RUSC1: variants seen among roughly 807,000 people sequenced by gnomAD.
RUSC1 encodes AP-4 complex accessory subunit RUSC1.
Under a neutral mutation model 72.1 loss-of-function variants are expected in RUSC1, and 40 were observed. The ratio of observed to expected loss-of-function variants is 0.55; its 90% CI spans 0.43 to 0.72. The LOEUF is 0.72. Among genes scored for constraint, RUSC1 ranks in the 30% least tolerant of loss-of-function variants. The probability of loss-of-function intolerance (pLI) is 0.00; values close to 1 mark genes in which losing one functional copy is unlikely to be tolerated. For synonymous variants in RUSC1, 512 were observed against 494.2 expected (o/e 1.04, Z -0.48); for missense variants, 1,092 against 1,172.3 (o/e 0.93, Z 1.00).
intron 1 of RUSC1, 75 bp from the exon 2 acceptor site, chr1:155,321,613 C>T: frequency 8.0e-7 from 1 of 1,242,800 alleles, no homozygotes; most frequent in Non-Finnish European, 1.1e-6. Context: ...CCTGCTGCTG[C>T]CGTCAAGTCA....
chr1:155,325,924 A>G lies in RUSC1; in HGVS notation c.1861+14A>G. 1 of 1,613,692 alleles carries G rather than the reference A, an allele frequency of 6.2e-7. No homozygotes were observed. The highest frequency in any genetic ancestry group is 8.5e-7 in the Non-Finnish European group (1 of 1,179,634). ...AGGAAGATGCAGGTCAGAGGTTCAG[A>G]TGGTAGAGGATGGGGCTGATGGGCT... On this transcript the variant is annotated intron_variant, in intron 7 of 9. Transcript: ENST00000368352. The surrounding 1 kb of genome is among the most constrained non-coding windows in gnomAD (Gnocchi z 6.5).
Position 155,328,284 on chromosome 1 carries a change from G to A in RUSC1, c.2540+9G>A, listed in dbSNP as rs1391639964. The A allele has an allele frequency of 1.2e-6, 2 of 1,604,108 alleles. No homozygotes were observed. The highest frequency in any genetic ancestry group is 2.2e-5 in the East Asian group (1 of 44,682). ...ATGGTGCAAACCCATAGGTAAGGAG[G>A]ATTGGGGAGAATGCACTAGTGTGTA... On this transcript the variant is annotated intron_variant, in intron 9 of 9. Coordinates refer to ENST00000368352, the MANE Select transcript of RUSC1 (RefSeq NM_001105203.2).
intron 2 of RUSC1, chr1:155,324,005 G>T: frequency 9.7e-7 from 1 of 1,029,664 alleles, no homozygotes; most frequent in South Asian, 3.4e-5. Context: ...GGGGGAAGTT[G>T]TTGCCTTTCC....
Position 155,326,724 on chromosome 1 carries a change from A to G in RUSC1, c.2006A>G (p.His669Arg). Reference protein sequence around the residue: ...FHLDLLFEHHHHLPLGPPQAP... With the variant: ...FHLDLLFEHHRHLPLGPPQAP... Reference sequence around the variant, plus strand: ...CTGGACCTGCTCTTTGAGCACCACCACCACCTGCCCCTGGGCCCACCTCAG... The same window carrying G: ...CTGGACCTGCTCTTTGAGCACCACCGCCACCTGCCCCTGGGCCCACCTCAG... The change falls in exon 8 of 10, where the codon CAC becomes CGC. Residue 669 changes from histidine to arginine, a missense_variant. Coordinates refer to ENST00000368352, the MANE Select transcript of RUSC1 (RefSeq NM_001105203.2). This position sits in a 1 kb window ranked among gnomAD's most constrained non-coding sequence, Gnocchi z 4.7. The G allele has an allele frequency of 6.2e-7, 1 of 1,613,166 alleles. No individual in the cohort carries two copies. Among genetic ancestry groups the G allele is most frequent in the Non-Finnish European group, 8.5e-7 (1 of 1,180,012 alleles).
At chr1:155,329,392 CTTTT>C (rs749137919) in intron 9 of RUSC1, among the ~76,000 whole-genome samples, 4 of 118,456 alleles carry the variant, frequency 3.4e-5, no homozygotes, top group Non-Finnish European at 3.5e-5. Flanking sequence ...GGCTACTAAA[CTTTT>C]TTTTTTTTTT....
At position 155,325,773 on chromosome 1, in the gene RUSC1, C is replaced by T. The variant is rs1015087750; in HGVS notation, c.1815-91C>T. 7.0e-6 allele frequency: 11 copies of T among 1,582,438 alleles called. No homozygotes were observed. In the East Asian group the frequency reaches 2.5e-4, roughly 35 times the overall value. ...TGCCTCACATCCCCAGAGAAGGCCC[C>T]CCCTCTTCCAATCTCATCTCCCATC... On this transcript the variant is annotated intron_variant, in intron 6 of 9. Transcript: ENST00000368352. The surrounding 1 kb of genome is among the most constrained non-coding windows in gnomAD (Gnocchi z 6.5).
At chr1:155,328,394 AGCTTTTCTATTTATTATCGATGT>A in intron 9 of RUSC1, 119 bp downstream of exon 9, 1 of 1,085,392 alleles carries the variant, frequency 9.2e-7, no homozygotes. Flanking sequence ...TGTGCATTGC[AGCTTTTCTATTTATTATCGATGT>A]GTCACTCATT....
At chr1:155,328,051 C>T in intron 8 of RUSC1, 99 bp from the exon 9 acceptor site, 1 of 1,473,580 alleles carries the variant, frequency 6.8e-7, no homozygotes, top group South Asian at 1.4e-5. Context: ...CTCTTTTGAA[C>T]CACAATTAGG....
At position 155,325,243 on chromosome 1, in the gene RUSC1, G is replaced by A; in HGVS notation, c.1533+65G>A. ...TAATGGAGCTCCGCGGGGGGTGCGG[G>A]AATGGTTGGCGGGAGGTGGCTGGGA... On this transcript the variant is annotated intron_variant, in intron 4 of 9. Coordinates refer to ENST00000368352, the MANE Select transcript of RUSC1 (RefSeq NM_001105203.2). The surrounding 1 kb of genome is among the most constrained non-coding windows in gnomAD (Gnocchi z 6.5). 6.2e-7 allele frequency: 1 copy of A among 1,612,064 alleles called. No individual in the cohort carries two copies. The highest frequency in any genetic ancestry group is 8.5e-7 in the Non-Finnish European group (1 of 1,179,900).
In RUSC1 at chr1:155,320,960, C is replaced by A; in HGVS notation, c.-118C>A. Reference sequence around the variant, plus strand: ...GGGGACCGTGGGAGCCGCGGACAAGCCCAAGGCCGGAGCGGTTCCAGGAGG... The same window carrying A: ...GGGGACCGTGGGAGCCGCGGACAAGACCAAGGCCGGAGCGGTTCCAGGAGG... On this transcript the variant is annotated 5_prime_UTR_variant, in exon 1 of 10. Transcript: ENST00000368352. 6.4e-7 allele frequency: 1 copy of A among 1,557,154 alleles called. No homozygotes were observed.
At position 155,328,277 on chromosome 1, in the gene RUSC1, T is replaced by G; in HGVS notation, c.2540+2T>G. 1 of 1,607,132 alleles carries G rather than the reference T, an allele frequency of 6.2e-7. No individual in the cohort carries two copies. The highest frequency in any genetic ancestry group is 8.5e-7 in the Non-Finnish European group (1 of 1,176,422). ...ACCCAGGATGGTGCAAACCCATAGG[T>G]AAGGAGGATTGGGGAGAATGCACTA... On this transcript the variant is annotated splice_donor_variant, in intron 9 of 9. Coordinates refer to ENST00000368352, the MANE Select transcript of RUSC1 (RefSeq NM_001105203.2). LOFTEE classifies it high-confidence loss of function.
chr1:155,326,484 G>A lies in RUSC1; in HGVS notation c.1862-96G>A, dbSNP rs1301196543. 1 of 1,265,478 alleles carries A rather than the reference G, an allele frequency of 7.9e-7. No individual in the cohort carries two copies. Among genetic ancestry groups the A allele is most frequent in the East Asian group, 2.4e-5 (1 of 42,538 alleles). The allele number at this position is 1,265,478 out of a possible 1,614,324, so 78.4% of individuals were successfully genotyped here. On this transcript the variant is annotated intron_variant, in intron 7 of 9. Coordinates refer to ENST00000368352, the MANE Select transcript of RUSC1 (RefSeq NM_001105203.2). The surrounding 1 kb of genome is among the most constrained non-coding windows in gnomAD (Gnocchi z 4.7). ...TCTGCCCCAGTGCCCAGCAGAGTGA[G>A]GCCTGGGAAGATGTGTGCTGACTGG...
At chr1:155,330,331 G>C (rs1651879658) in intron 9 of RUSC1, 72 bp from the exon 10 acceptor site, 2 of 1,511,876 alleles carry the variant, frequency 1.3e-6, no homozygotes, top group Non-Finnish European at 1.8e-6. Flanking sequence ...GGGCACTCTA[G>C]AGGTGACGCC....
At chr1:155,323,259 C>A in intron 2 of RUSC1, 129 bp downstream of exon 2, 2 of 1,091,312 alleles carry the variant, frequency 1.8e-6, no homozygotes, top group Non-Finnish European at 2.4e-6. Flanking sequence ...TACCAGGGAG[C>A]GCTCCGGGAA....
At chr1:155,324,496 C>A in intron 2 of RUSC1, 2 of 1,606,144 alleles carry the variant, frequency 1.2e-6, no homozygotes, top group Non-Finnish European at 1.7e-6. Flanking sequence ...CCTCCCTCCC[C>A]GCGCCCCGTC....
At position 155,330,590 on chromosome 1, in the gene RUSC1, CG is replaced by C; in HGVS notation, c.*20del. On this transcript the variant is annotated 3_prime_UTR_variant, in exon 10 of 10. Transcript: ENST00000368352. ...TCTGTAGCCCTGGGACCCTTTCCTG[CG>C]TATGTGTCTCCTTCCTGTCACCTGG... 1 of 1,547,742 alleles carries C rather than the reference CG, an allele frequency of 6.5e-7. No individual in the cohort carries two copies. Among genetic ancestry groups the C allele is most frequent in the East Asian group, 2.3e-5 (1 of 42,996 alleles).
rs754716167 is a variant in RUSC1, at chr1:155,325,502, G to A, written c.1708+12G>A. 6.3e-7 allele frequency: 1 copy of A among 1,598,980 alleles called. No individual in the cohort carries two copies. The highest frequency in any genetic ancestry group is 8.5e-7 in the Non-Finnish European group (1 of 1,175,508). ...GTCGGTGAAGCCAGGTGAGCCAGGA[G>A]GGCGTGGGACCCGGCAGTGCGCAGG... On this transcript the variant is annotated intron_variant, in intron 5 of 9. Transcript: ENST00000368352. This position sits in a 1 kb window ranked among gnomAD's most constrained non-coding sequence, Gnocchi z 6.5.
intron 2 of RUSC1, chr1:155,324,460 G>T: frequency 6.2e-7 from 1 of 1,612,032 alleles, no homozygotes. Flanking sequence ...GCAGGACTGG[G>T]CCCCGGGGCG....
intron 2 of RUSC1, chr1:155,324,302 C>G: frequency 6.4e-7 from 1 of 1,565,462 alleles, no homozygotes; most frequent in Non-Finnish European, 8.6e-7. Flanking sequence ...CACCCTCCGC[C>G]AAGAGGCTGC....
Sources: gnomAD v4.1 joint callset for allele counts (sites outside exome capture counted in the v4.1 genomes callset) on GRCh38, gnomAD v4.1.1 for gene constraint, Gnocchi (gnomAD v3.1) non-coding constraint, MANE v1.5 for transcripts, NCBI Gene and HGNC (gene_info 2026-07-23, HGNC 2026-07-21) for gene names.